AMPH: variants seen among roughly 807,000 people sequenced by gnomAD.
AMPH encodes amphiphysin.
In AMPH, 49 loss-of-function variants were observed where a neutral mutation model predicts 99.1. The observed-to-expected ratio is 0.49, with a 90% confidence interval of 0.39 to 0.63. The LOEUF (loss-of-function observed/expected upper bound fraction) is 0.63, where lower values mean the gene tolerates loss of function less well. AMPH is among the 20% of genes least tolerant of loss of function. AMPH has a pLI of 0.00. For synonymous variants in AMPH, 314 were observed against 317.3 expected, an observed-to-expected ratio of 0.99 and a Z score of 0.11; for missense variants, 759 against 863.4, an observed-to-expected ratio of 0.88 and a Z score of 1.52.
At chr7:38,391,474 T>C (rs1170834142) in intron 19 of AMPH, among the ~76,000 whole-genome samples, 2 of 151,254 alleles carry the variant, frequency 1.3e-5, no homozygotes, top group African/African-American at 2.4e-5. Context: ...CCTGGGGGAG[T>C]AGAGAGGAGG....
chr7:38,612,968 A>G (rs543490604), intron 1 of AMPH, among the ~76,000 whole-genome samples: 1 of 152,314 alleles, frequency 6.6e-6, no homozygotes, highest in Non-Finnish European at 1.5e-5. Context: ...GAAAATAAAA[A>G]TAGCTACCAT....
chr7:38,547,369 T>A (rs1000679688), intron 1 of AMPH, among the ~76,000 whole-genome samples: 1 of 152,206 alleles, frequency 6.6e-6, no homozygotes, highest in African/African-American at 2.4e-5. Context: ...AGCATCACTG[T>A]GCGTTACGGT....
In AMPH at chr7:38,427,892, A is replaced by T. The variant is rs115510372; in HGVS notation, c.1183-906T>A. 9.9e-3 allele frequency: 4,514 copies of T among 456,590 alleles called. 171 individuals are homozygous for T. Among genetic ancestry groups the T allele is most frequent in the African/African-American group, 0.081 (4,040 of 50,146 alleles). 28.3% of individuals were successfully genotyped at this position (456,590 alleles called of 1,614,324 possible). A position where few individuals can be genotyped will look rare whatever the true frequency, so the allele number is the denominator to read the frequency against. On this transcript the variant is annotated intron_variant, in intron 14 of 20. Transcript: ENST00000356264. The stretch of plus-strand genomic sequence containing the variant: ...ACAACAATCCATATCTCTGGTTAGC[A>T]ATTTCATCTTCAGATAAATCTGAGT...
intron 1 of AMPH, among the ~76,000 whole-genome samples, chr7:38,627,590 G>A (rs6462853): frequency 0.55 from 79,435 of 145,648 alleles, 22,193 homozygotes; most frequent in Non-Finnish European, 0.58. Context: ...AGGAGGTGGA[G>A]CTTGCAGTGA....
intron 1 of AMPH, among the ~76,000 whole-genome samples, chr7:38,563,160 T>C (rs1791616210): frequency 6.6e-6 from 1 of 152,096 alleles, no homozygotes; most frequent in South Asian, 2.1e-4. Flanking sequence ...AATGAATGAA[T>C]GAATGAGTGA....
intron 7 of AMPH, among the ~76,000 whole-genome samples, chr7:38,474,865 T>G (rs12531584): frequency 0.34 from 51,030 of 151,936 alleles, 9,104 homozygotes; most frequent in East Asian, 0.54. Context: ...AGTCAGGGCT[T>G]AAAGTAGAGG....
intron 1 of AMPH, among the ~76,000 whole-genome samples, chr7:38,595,440 T>C (rs929279600): frequency 5.3e-5 from 8 of 152,162 alleles, no homozygotes; most frequent in African/African-American, 1.9e-4. Flanking sequence ...CTCTCATAGA[T>C]AAAGGGTATC....
intron 13 of AMPH, 32 bp downstream of exon 13, chr7:38,432,157 T>G (rs767645521): frequency 2.5e-6 from 4 of 1,593,978 alleles, no homozygotes; most frequent in Non-Finnish European, 3.4e-6. Context: ...GGGATCAAGA[T>G]ACATGAAAAA....
At chr7:38,553,905 T>C (rs1328973762) in intron 1 of AMPH, among the ~76,000 whole-genome samples, 1 of 152,212 alleles carries the variant, frequency 6.6e-6, no homozygotes, top group Admixed American at 6.5e-5. Flanking sequence ...CCAGAGTTGT[T>C]AGGAGTATTG....
chr7:38,581,719 T>C (rs769148070), intron 1 of AMPH, among the ~76,000 whole-genome samples: 2 of 152,192 alleles, frequency 1.3e-5, no homozygotes, highest in East Asian at 1.9e-4. Flanking sequence ...TTGGTAGTAG[T>C]GGAGGTGTAA....
At chr7:38,584,251 T>A (rs906744763) in intron 1 of AMPH, among the ~76,000 whole-genome samples, 1 of 152,230 alleles carries the variant, frequency 6.6e-6, no homozygotes, top group Non-Finnish European at 1.5e-5. Flanking sequence ...GACAGCCTCC[T>A]TGCTTCAGGG....
At chr7:38,504,464 A>T (rs147768550) in intron 2 of AMPH, among the ~76,000 whole-genome samples, 1 of 152,326 alleles carries the variant, frequency 6.6e-6, no homozygotes, top group East Asian at 1.9e-4. Flanking sequence ...AGAAATGCCA[A>T]TAGGAGAGTA....
intron 11 of AMPH, among the ~76,000 whole-genome samples, chr7:38,441,801 T>TAGATATC (rs1786538619): frequency 2.0e-5 from 1 of 49,478 alleles, no homozygotes; most frequent in African/African-American, 6.2e-5. Flanking sequence ...ATATATATCA[T>TAGATATC]ATATATATCA....
intron 1 of AMPH, among the ~76,000 whole-genome samples, chr7:38,572,894 C>T (rs1020574438): frequency 6.6e-6 from 1 of 152,126 alleles, no homozygotes; most frequent in African/African-American, 2.4e-5. Flanking sequence ...CCTCTGAAGA[C>T]AAGCAGGCCC....
At chr7:38,574,752 C>A (rs1381894436) in intron 1 of AMPH, among the ~76,000 whole-genome samples, 4 of 151,994 alleles carry the variant, frequency 2.6e-5, no homozygotes. Flanking sequence ...AATACTATTA[C>A]CTTAATAAAA....
chr7:38,565,678 T>G (rs1431091822), intron 1 of AMPH, among the ~76,000 whole-genome samples: 5 of 75,282 alleles, frequency 6.6e-5, no homozygotes, highest in Non-Finnish European at 1.0e-4. Flanking sequence ...ACATATGAAT[T>G]TGGGGGGTGG....
chr7:38,559,609 G>A (rs2129048450), intron 1 of AMPH, among the ~76,000 whole-genome samples: 1 of 152,282 alleles, frequency 6.6e-6, no homozygotes, highest in South Asian at 2.1e-4. Flanking sequence ...GAATACTTAT[G>A]CTGTGCCAAA....
chr7:38,509,206 T>G (rs1038852179), intron 2 of AMPH, among the ~76,000 whole-genome samples: 2 of 152,164 alleles, frequency 1.3e-5, no homozygotes, highest in African/African-American at 4.8e-5. Flanking sequence ...ATGCAGAAGA[T>G]ACAAGATAAA....
intron 15 of AMPH, 114 bp from the exon 16 acceptor site, chr7:38,422,591 T>TATCTATCTA: frequency 1.3e-6 from 1 of 742,042 alleles, no homozygotes; most frequent in Non-Finnish European, 2.2e-6. Flanking sequence ...TCTATCTATC[T>TATCTATCTA]ATCTATCTAT....
Sources: allele counts gnomAD v4.1 joint callset (sites outside exome capture counted in the v4.1 genomes callset), GRCh38; gene constraint gnomAD v4.1.1; transcripts MANE v1.5; gene names NCBI Gene and HGNC (gene_info 2026-07-23, HGNC 2026-07-21).